Variants in SLC4A5 observed in about 807,000 individuals in gnomAD.
SLC4A5 encodes electrogenic sodium bicarbonate cotransporter 4.
Under a neutral mutation model 120.4 loss-of-function variants are expected in SLC4A5, and 96 were observed. The observed-to-expected ratio is 0.80, with a 90% CI of 0.68 to 0.94. SLC4A5 has a LOEUF of 0.94. SLC4A5 is among the 40% of genes least tolerant of loss of function. The pLI is 0.00. For missense variants in SLC4A5, 1,259 were observed against 1,459.5 expected, an observed-to-expected ratio of 0.86 and a Z score of 2.24; for synonymous variants, 550 against 571.1, an observed-to-expected ratio of 0.96 and a Z score of 0.53.
At chr2:74,314,884 G>A in intron 6 of SLC4A5, 61 bp downstream of exon 6, 1 of 1,438,626 alleles carries the variant, frequency 7.0e-7, no homozygotes, top group South Asian at 1.1e-5. Flanking sequence ...CTGTCATAAA[G>A]ACATTCAGAG....
At chr2:74,316,772 C>A (rs957788811) in intron 5 of SLC4A5, among the ~76,000 whole-genome samples, 1 of 152,192 alleles carries the variant, frequency 6.6e-6, no homozygotes, top group African/African-American at 2.4e-5. Context: ...TGCTGACTAA[C>A]CAACCCCCTG....
intron 30 of SLC4A5, among the ~76,000 whole-genome samples, chr2:74,220,554 T>C (rs1388139014): frequency 6.6e-6 from 1 of 152,176 alleles, no homozygotes; most frequent in Non-Finnish European, 1.5e-5. Flanking sequence ...TCTTGCTCTG[T>C]TGCCCAGGCT....
At chr2:74,237,143 A>G (rs1054501127) in intron 21 of SLC4A5, among the ~76,000 whole-genome samples, 2 of 151,868 alleles carry the variant, frequency 1.3e-5, no homozygotes, top group East Asian at 3.9e-4. Flanking sequence ...CGCCCGGCCA[A>G]TTTTTTGTAT....
At chr2:74,243,542 C>T (rs928714666) in intron 19 of SLC4A5, among the ~76,000 whole-genome samples, 4 of 152,152 alleles carry the variant, frequency 2.6e-5, no homozygotes, top group Non-Finnish European at 5.9e-5. Context: ...ACATCAGTGA[C>T]CAAAAGAACA....
In SLC4A5 at chr2:74,224,857, C is replaced by T. The variant is rs147834537; in HGVS notation, c.3229G>A (p.Glu1077Lys). 1.1e-3 allele frequency: 1,739 copies of T among 1,612,548 alleles called. 2 individuals carry two copies. The highest frequency in any genetic ancestry group is 1.4e-3 in the Non-Finnish European group (1,671 of 1,179,826). Reference sequence around the variant, plus strand: ...TTCCCCACCTCCTCATCACAGTCCTCGTGGGCCCCTTTTTTTCTCTTCCTC... The same window carrying T: ...TTCCCCACCTCCTCATCACAGTCCTTGTGGGCCCCTTTTTTTCTCTTCCTC... Residue 1077 changes from glutamate to lysine, a missense_variant, in exon 28 of 31, where the codon GAG becomes AAG. Transcript: ENST00000394019.
chr2:74,284,217 C>T (rs1194671012), intron 8 of SLC4A5, among the ~76,000 whole-genome samples: 1 of 64,346 alleles, frequency 1.6e-5, no homozygotes, highest in Non-Finnish European at 2.3e-5. Context: ...TCGCCCAGGT[C>T]GGACTGCGGA....
rs201963766 is a variant in SLC4A5 at position 74,262,217 on chromosome 2, C to T, written c.731G>A (p.Arg244Gln). ...TAGACTCGGGCCAGCACCAGGGCTCCGGGCAGGACTGCGATCTGGGAGGAG... is the reference window on the plus strand; with the variant it reads ...TAGACTCGGGCCAGCACCAGGGCTCTGGGCAGGACTGCGATCTGGGAGGAG... Residue 244 changes from arginine to glutamine, a missense_variant, in exon 11 of 31, where the codon CGG becomes CAG. By Grantham distance (43) the Arg-to-Gln change is conservative. Transcript: ENST00000394019. The T allele has an allele frequency of 2.2e-5, 34 of 1,565,428 alleles. No homozygotes were observed. Among genetic ancestry groups the T allele is most frequent in the Middle Eastern group, 1.7e-4 (1 of 5,908 alleles).
chr2:74,333,400 C>T (rs988988637), intron 4 of SLC4A5, among the ~76,000 whole-genome samples: 32 of 152,160 alleles, frequency 2.1e-4, no homozygotes, highest in Non-Finnish European at 4.3e-4. Flanking sequence ...ATTCTTAGTA[C>T]AGTTGGCCCT....
At chr2:74,241,932 T>A (rs1389789045) in intron 20 of SLC4A5, 62 bp downstream of exon 20, 1 of 1,531,726 alleles carries the variant, frequency 6.5e-7, no homozygotes, top group African/African-American at 1.4e-5. Context: ...TTCCAAAATC[T>A]TTTCTCCCTC....
chr2:74,285,191 G>A (rs1671943477), intron 8 of SLC4A5, among the ~76,000 whole-genome samples: 1 of 152,134 alleles, frequency 6.6e-6, no homozygotes, highest in Non-Finnish European at 1.5e-5. Flanking sequence ...CCTGCGTGCA[G>A]TAAGCTATGA....
intron 25 of SLC4A5, among the ~76,000 whole-genome samples, chr2:74,229,521 G>T (rs1452542546): frequency 1.3e-5 from 2 of 151,910 alleles, no homozygotes; most frequent in Admixed American, 6.5e-5. Flanking sequence ...CTCCCAAAGT[G>T]CTGGGATTAC....
chr2:74,328,303 G>C (rs958377330), intron 4 of SLC4A5, 117 bp from the exon 5 acceptor site: 5 of 476,100 alleles, frequency 1.1e-5, no homozygotes, highest in Non-Finnish European at 1.4e-5. Flanking sequence ...TGGGGGGAGG[G>C]ACGCTCCTGC....
intron 5 of SLC4A5, among the ~76,000 whole-genome samples, 191 bp downstream of exon 5, chr2:74,327,926 AAAC>A (rs1333011198): frequency 2.6e-5 from 4 of 152,216 alleles, no homozygotes; most frequent in African/African-American, 9.7e-5. Flanking sequence ...AGGGTGATAA[AAAC>A]AGTATAATTT....
intron 3 of SLC4A5, among the ~76,000 whole-genome samples, chr2:74,336,619 A>G (rs1243086854): frequency 6.6e-6 from 1 of 152,238 alleles, no homozygotes; most frequent in East Asian, 1.9e-4. Context: ...CGAAAAAACT[A>G]AAGCTTAGAG....
chr2:74,326,702 C>A (rs761420143), intron 5 of SLC4A5, among the ~76,000 whole-genome samples: 2 of 152,152 alleles, frequency 1.3e-5, no homozygotes, highest in Non-Finnish European at 2.9e-5. Flanking sequence ...GCCTGTAATC[C>A]TAGCTACTCG....
At chr2:74,321,650 T>C (rs1673100822) in intron 5 of SLC4A5, among the ~76,000 whole-genome samples, 1 of 151,838 alleles carries the variant, frequency 6.6e-6, no homozygotes, top group African/African-American at 2.4e-5. Flanking sequence ...AGTCTGTCAG[T>C]AAGGGAAAAA....
chr2:74,250,469 G>A, exon 17 of SLC4A5: 3 of 1,614,216 alleles, frequency 1.9e-6, no homozygotes, highest in Non-Finnish European at 2.5e-6. Flanking sequence ...AGTCACTTGG[G>A]AACCAGGGCA....
chr2:74,284,146 C>T (rs1245985323), intron 8 of SLC4A5, among the ~76,000 whole-genome samples: 1 of 150,156 alleles, frequency 6.7e-6, no homozygotes, highest in Non-Finnish European at 1.5e-5. Flanking sequence ...CTGTGCCTAG[C>T]CCTTATTCCT....
At chr2:74,286,107 A>C (rs1671974582) in intron 7 of SLC4A5, among the ~76,000 whole-genome samples, 1 of 152,192 alleles carries the variant, frequency 6.6e-6, no homozygotes. Flanking sequence ...AAGAGATGAA[A>C]AGATTTAGTC....
Sources: allele counts gnomAD v4.1 joint callset (sites outside exome capture counted in the v4.1 genomes callset), GRCh38; gene constraint gnomAD v4.1.1; transcripts MANE v1.5; gene names NCBI Gene and HGNC (gene_info 2026-07-23, HGNC 2026-07-21).